The following AGBL4 variants were observed in gnomAD, a reference collection of about 807,000 sequenced individuals.
AGBL4 encodes cytosolic carboxypeptidase 6.
In AGBL4, 58 loss-of-function variants were observed where a neutral mutation model predicts 66.4. That is an observed-to-expected ratio of 0.87 (90% CI 0.71 to 1.09). AGBL4 has a LOEUF of 1.09. AGBL4 is among the 50% of genes least tolerant of loss of function. The probability of loss-of-function intolerance (pLI) is 0.00; values close to 1 mark genes in which losing one functional copy is unlikely to be tolerated. For synonymous variants in AGBL4, 234 were observed against 222.9 expected (o/e 1.05, Z -0.44); for missense variants, 579 against 631.0 (o/e 0.92, Z 0.88).
At position 48,827,995 on chromosome 1, in the gene AGBL4, T is replaced by TACACACACACAC. The variant is rs375257744; in HGVS notation, c.634+39184_634+39195dup. 3.2e-3 allele frequency among the ~76,000 whole-genome samples: 375 copies of TACACACACACAC among 116,970 alleles called. 5 individuals carry two copies. Among genetic ancestry groups the TACACACACACAC allele is most frequent in the East Asian group, 0.016 (57 of 3,618 alleles). The allele number at this position is 116,970 out of a possible 152,430, so 76.7% of individuals were successfully genotyped here. A position where few individuals can be genotyped will look rare whatever the true frequency, so the allele number is the denominator to read the frequency against. ...TGTGAGACCCCGTCTCTACTAAAAATACACACACACACACACACACACACA... is the reference window on the plus strand; with the variant it reads ...TGTGAGACCCCGTCTCTACTAAAAATACACACACACACACACACACACACACACACACACACA... On this transcript the variant is annotated intron_variant, in intron 6 of 13. Transcript: ENST00000371839.
intron 1 of AGBL4, among the ~76,000 whole-genome samples, chr1:49,903,082 T>C (rs891299239): frequency 7.9e-5 from 12 of 152,048 alleles, no homozygotes; most frequent in African/African-American, 2.9e-4. Flanking sequence ...AGCAAAGACA[T>C]AGAATCAACC....
chr1:49,216,924 G>C (rs1051735925), intron 4 of AGBL4, among the ~76,000 whole-genome samples: 3 of 152,028 alleles, frequency 2.0e-5, no homozygotes, highest in Admixed American at 1.3e-4. Flanking sequence ...GCTCCCCCTC[G>C]GTCCTTTGCC....
intron 3 of AGBL4, among the ~76,000 whole-genome samples, chr1:49,288,996 T>G (rs1211718589): frequency 2.7e-5 from 4 of 145,950 alleles, no homozygotes; most frequent in Non-Finnish European, 6.0e-5. Context: ...TAGTAACAAA[T>G]GAGACACACA....
At chr1:49,165,726 A>C (rs920643117) in intron 4 of AGBL4, among the ~76,000 whole-genome samples, 1 of 151,804 alleles carries the variant, frequency 6.6e-6, no homozygotes, top group African/African-American at 2.4e-5. Flanking sequence ...ATTAAATAAG[A>C]AAAAGATAGA....
intron 5 of AGBL4, among the ~76,000 whole-genome samples, chr1:48,869,873 C>A (rs1045533313): frequency 6.6e-6 from 1 of 152,068 alleles, no homozygotes; most frequent in African/African-American, 2.4e-5. Context: ...AGATGAGGAG[C>A]ATCTTAAGGG....
intron 2 of AGBL4, among the ~76,000 whole-genome samples, chr1:49,746,122 A>G (rs951210421): frequency 6.6e-6 from 1 of 151,986 alleles, no homozygotes; most frequent in Non-Finnish European, 1.5e-5. Flanking sequence ...TCATCAGTAT[A>G]GCCTCAGCGT....
chr1:48,689,246 G>A (rs1315150183), intron 6 of AGBL4, among the ~76,000 whole-genome samples: 3 of 134,238 alleles, frequency 2.2e-5, no homozygotes, highest in African/African-American at 6.8e-5. Context: ...AAAGAAACAA[G>A]ATCCACTCCC....
intron 10 of AGBL4, among the ~76,000 whole-genome samples, chr1:48,588,822 G>GAAGAGAAGAGAAGAGAAGAGAA (rs1557810111): frequency 3.0e-4 from 44 of 148,734 alleles, no homozygotes; most frequent in African/African-American, 1.1e-3. Flanking sequence ...GAAGAGAAGA[G>GAAGAGAAGAGAAGAGAAGAGAA]AAGAGAAGAG....
chr1:49,510,428 T>A (rs1430821459), intron 3 of AGBL4, among the ~76,000 whole-genome samples: 7 of 150,336 alleles, frequency 4.7e-5, no homozygotes, highest in Non-Finnish European at 8.9e-5. Flanking sequence ...TTTGATGGGG[T>A]TGTTTGTTTT....
intron 3 of AGBL4, among the ~76,000 whole-genome samples, chr1:49,301,239 T>G (rs773751724): frequency 2.6e-5 from 4 of 152,132 alleles, no homozygotes; most frequent in Non-Finnish European, 5.9e-5. Flanking sequence ...TACTGATTCC[T>G]CTCCAGAGGA....
intron 1 of AGBL4, among the ~76,000 whole-genome samples, chr1:49,977,248 C>T (rs1658641182): frequency 6.6e-6 from 1 of 151,438 alleles, no homozygotes; most frequent in South Asian, 2.1e-4. Flanking sequence ...CTTCACCTCC[C>T]TTCTTCCAGA....
intron 9 of AGBL4, among the ~76,000 whole-genome samples, chr1:48,601,507 G>A (rs72679393): frequency 0.045 from 6,897 of 152,310 alleles, 263 homozygotes; most frequent in Admixed American, 0.12. Context: ...ATGTGAAGAA[G>A]TGCGAGTACT....
At chr1:49,100,356 C>T (rs1645178970) in intron 4 of AGBL4, among the ~76,000 whole-genome samples, 2 of 152,128 alleles carry the variant, frequency 1.3e-5, no homozygotes, top group Non-Finnish European at 2.9e-5. Flanking sequence ...TGGCTGTGTA[C>T]CTCTCCGTAT....
At chr1:49,676,097 G>A (rs1330245816) in intron 3 of AGBL4, among the ~76,000 whole-genome samples, 1 of 152,022 alleles carries the variant, frequency 6.6e-6, no homozygotes, top group Non-Finnish European at 1.5e-5. Context: ...TTATTTTGCA[G>A]ATGAGAAAAC....
chr1:49,984,106 C>T (rs1423018567), intron 1 of AGBL4, among the ~76,000 whole-genome samples: 1 of 152,222 alleles, frequency 6.6e-6, no homozygotes, highest in Non-Finnish European at 1.5e-5. Context: ...CACTCCTATA[C>T]TTAACGAATA....
chr1:50,021,011 T>C (rs1175245305), intron 1 of AGBL4, among the ~76,000 whole-genome samples: 3 of 152,214 alleles, frequency 2.0e-5, no homozygotes, highest in African/African-American at 7.2e-5. Context: ...CTCTCAGAAA[T>C]TTGAATTAAA....
rs151053487 is a variant in AGBL4, at chr1:49,499,720, C to CATAT, written c.282+197589_282+197592dup. Among the ~76,000 whole-genome samples, 445 of 145,382 alleles carry CATAT rather than the reference C, an allele frequency of 3.1e-3. 5 individuals are homozygous for CATAT. Among genetic ancestry groups the CATAT allele is most frequent in the South Asian group, 0.024 (110 of 4,504 alleles). On this transcript the variant is annotated intron_variant, in intron 3 of 13. Coordinates refer to ENST00000371839, the MANE Select transcript of AGBL4 (RefSeq NM_032785.4). Reference sequence around the variant, plus strand: ...TTCCTTTTCATGGCTGAATGGTATTCATATATATATATATATATATACACA... The same window carrying CATAT: ...TTCCTTTTCATGGCTGAATGGTATTCATATATATATATATATATATATATACACA...
intron 5 of AGBL4, among the ~76,000 whole-genome samples, chr1:49,000,833 T>C (rs1661345366): frequency 6.6e-6 from 1 of 152,198 alleles, no homozygotes; most frequent in Non-Finnish European, 1.5e-5. Context: ...GGATGTAAAA[T>C]TCTTACTGAA....
Position 49,011,846 on chromosome 1 carries a change from A to G in AGBL4, c.594+33738T>C, listed in dbSNP as rs184476377. On this transcript the variant is annotated intron_variant, in intron 5 of 13. Transcript: ENST00000371839. ...AATTGAACAATGAGATCACATGGAC[A>G]CAGGAAGGGGAACATCACACTCTGG... 3.6e-3 allele frequency among the ~76,000 whole-genome samples: 466 copies of G among 128,288 alleles called. 1 individual carries two copies. Among genetic ancestry groups the G allele is most frequent in the African/African-American group, 0.013 (424 of 33,872 alleles). The allele number at this position is 128,288 out of a possible 152,430, so 84.2% of individuals were successfully genotyped here.
Sources: gnomAD v4.1 joint callset for allele counts (sites outside exome capture counted in the v4.1 genomes callset) on GRCh38, gnomAD v4.1.1 for gene constraint, MANE v1.5 for transcripts, NCBI Gene and HGNC (gene_info 2026-07-23, HGNC 2026-07-21) for gene names.